NPC1: variants seen among roughly 807,000 people sequenced by gnomAD.
NPC1 encodes NPC intracellular cholesterol transporter 1, also known as Niemann-Pick C1 protein.
In NPC1, 85 loss-of-function variants were observed where a neutral mutation model predicts 140.4. The observed-to-expected ratio is 0.61, with a 90% CI of 0.51 to 0.72. The LOEUF (loss-of-function observed/expected upper bound fraction) is 0.72. Ranked by LOEUF, NPC1 falls within the 30% of genes least tolerant of loss-of-function variation. The probability of loss-of-function intolerance (pLI) is 0.00; values close to 1 mark genes in which losing one functional copy is unlikely to be tolerated. For missense variants in NPC1, 1,504 were observed against 1,623.8 expected, an observed-to-expected ratio of 0.93 and a Z score of 1.27; for synonymous variants, 656 against 624.8, an observed-to-expected ratio of 1.05 and a Z score of -0.74.
At chr18:23,515,827 A>G (rs2145185951) in intron 3 of NPC1, 3 of 1,613,342 alleles carry the variant, frequency 1.9e-6, no homozygotes, top group Non-Finnish European at 2.5e-6. Flanking sequence ...TTTTTAAATG[A>G]AGATCCTGTT....
intron 8 of NPC1, among the ~76,000 whole-genome samples, 181 bp from the exon 9 acceptor site, chr18:23,555,165 C>T (rs113673268): frequency 8.7e-4 from 132 of 152,350 alleles, no homozygotes; most frequent in African/African-American, 2.9e-3. Context: ...CACAGGCCCA[C>T]TCTAACAGCA....
intron 24 of NPC1, chr18:23,533,113 G>A: frequency 3.3e-6 from 2 of 611,562 alleles, no homozygotes; most frequent in Non-Finnish European, 5.2e-6. Context: ...AGGCCTTTGT[G>A]AAGCAGACAG....
intron 9 of NPC1, among the ~76,000 whole-genome samples, chr18:23,553,978 A>T (rs1029161874): frequency 6.6e-6 from 1 of 152,174 alleles, no homozygotes; most frequent in Non-Finnish European, 1.5e-5. Flanking sequence ...AAAAGGCACC[A>T]AAGGCTCTTC....
At chr18:23,572,920 C>T (rs1466350457) in intron 2 of NPC1, among the ~76,000 whole-genome samples, 1 of 152,148 alleles carries the variant, frequency 6.6e-6, no homozygotes, top group African/African-American at 2.4e-5. Flanking sequence ...TACTTTAAGC[C>T]TCTAAAACCA....
At chr18:23,538,127 G>A (rs1301175814) in intron 20 of NPC1, among the ~76,000 whole-genome samples, 1 of 152,164 alleles carries the variant, frequency 6.6e-6, no homozygotes, top group East Asian at 1.9e-4. Context: ...GAGGCTAAAA[G>A]AATCGCAACC....
At chr18:23,548,657 A>G (rs2058823960) in intron 10 of NPC1, among the ~76,000 whole-genome samples, 1 of 152,246 alleles carries the variant, frequency 6.6e-6, no homozygotes, top group Non-Finnish European at 1.5e-5. Context: ...ATTTTCTGGT[A>G]TACTTTAGCC....
At chr18:23,540,102 G>GCAC in intron 17 of NPC1, 101 bp from the exon 18 acceptor site, 2 of 1,012,724 alleles carry the variant, frequency 2.0e-6, no homozygotes, top group Non-Finnish European at 3.0e-6. Context: ...GAGGTTCCTG[G>GCAC]CTGAGATGCC....
At chr18:23,522,116 C>T (rs1202759914), downstream of NPC1, among the ~76,000 whole-genome samples, 1 of 152,232 alleles carries the variant, frequency 6.6e-6, no homozygotes, top group East Asian at 1.9e-4. Flanking sequence ...CCATTGTCAG[C>T]CTGACTGCCC....
chr18:23,527,223 C>CAAAAAAA (rs386387173), downstream of NPC1, among the ~76,000 whole-genome samples: 1 of 43,666 alleles, frequency 2.3e-5, no homozygotes, highest in Non-Finnish European at 5.2e-5. Context: ...CCTGTCTCTA[C>CAAAAAAA]AAAAAAAAAA....
At chr18:23,530,192 T>C (rs2058448023), downstream of NPC1, 4 of 1,613,716 alleles carry the variant, frequency 2.5e-6, no homozygotes, top group Non-Finnish European at 3.4e-6. Flanking sequence ...TTAACCGTTA[T>C]CTTTCCAACT....
chr18:23,529,316 G>A (rs746753423), downstream of NPC1: 65 of 1,601,714 alleles, frequency 4.1e-5, 1 homozygote, highest in South Asian at 3.4e-4. Flanking sequence ...GCAGCTTTCC[G>A]CCTCTTCTGG....
At chr18:23,542,959 C>G (rs1360878822) in intron 14 of NPC1, among the ~76,000 whole-genome samples, 2 of 152,210 alleles carry the variant, frequency 1.3e-5, no homozygotes, top group Non-Finnish European at 2.9e-5. Flanking sequence ...CTTGCAAAAT[C>G]ACACCTAAGT....
rs758362397 is a variant in NPC1, at chr18:23,541,153, A to G, written c.2429T>C (p.Val810Ala). ...CVRGAEDGTSVQASESCLFRF... is the reference protein window; with the variant it reads ...CVRGAEDGTSAQASESCLFRF... ...AAACAAACAGCTCTCTGAGGCCTGGACGCTTGTTCCATCTTCAGCACCTCT... is the reference window on the plus strand; with the variant it reads ...AAACAAACAGCTCTCTGAGGCCTGGGCGCTTGTTCCATCTTCAGCACCTCT... The change falls in exon 16 of 25, where the codon GTC becomes GCC. Residue 810 changes from valine to alanine, a missense_variant. By Grantham distance (64) the Val-to-Ala change is moderately conservative. Coordinates refer to ENST00000269228, the MANE Select transcript of NPC1 (RefSeq NM_000271.5). 1 of 1,614,168 alleles carries G rather than the reference A, an allele frequency of 6.2e-7. No individual in the cohort carries two copies. Among genetic ancestry groups the G allele is most frequent in the Admixed American group, 1.7e-5 (1 of 60,014 alleles).
intron 14 of NPC1, among the ~76,000 whole-genome samples, chr18:23,541,651 T>C (rs574369031): frequency 2.0e-5 from 3 of 152,316 alleles, no homozygotes; most frequent in African/African-American, 7.2e-5. Flanking sequence ...GGAAGCCCCA[T>C]CCTAGTTATG....
Position 23,554,842 on chromosome 18 carries a change from T to C in NPC1, c.1469A>G (p.Asn490Ser), listed in dbSNP as rs201351377. The C allele has an allele frequency of 1.2e-6, 2 of 1,614,044 alleles. No homozygotes were observed. Among genetic ancestry groups the C allele is most frequent in the African/African-American group, 1.3e-5 (1 of 74,910 alleles). ...CTTGTGGTCCAGCACGGAATGGCTG[T>C]TCTGGAAGTAATTTAACACACTCAA... ...TILSVLNYFQ[N>S]SHSVLDHKKG... Residue 490 changes from asparagine (N) to serine (S), a missense_variant, in exon 9 of 25, where the codon AAC becomes AGC. By Grantham distance (46) the Asn-to-Ser change is conservative (BLOSUM62 1). Coordinates refer to ENST00000269228, the MANE Select transcript of NPC1 (RefSeq NM_000271.5).
At chr18:23,537,692 C>T (rs1269004718) in intron 20 of NPC1, among the ~76,000 whole-genome samples, 1 of 152,196 alleles carries the variant, frequency 6.6e-6, no homozygotes, top group Non-Finnish European at 1.5e-5. Flanking sequence ...GGAGGCTCCC[C>T]AGGAACGGTG....
At chr18:23,513,663 T>C (rs1009104656) in intron 3 of NPC1, among the ~76,000 whole-genome samples, 42 of 152,246 alleles carry the variant, frequency 2.8e-4, no homozygotes, top group African/African-American at 9.6e-4. Context: ...TCCCTCCAAG[T>C]GTACAAGGGT....
rs201100763 is a variant in NPC1, at chr18:23,543,491, G to C, written c.2209C>G (p.Leu737Val). The change falls in exon 14 of 25, where the codon CTG becomes GTG. Residue 737 changes from leucine (L) to valine (V), a missense_variant. Transcript: ENST00000269228. Reference sequence around the variant, plus strand: ...GCTACAGTCTCAGAAAAGGATGACAGGAACATACTGGGAGCCACTTCTCCT... The same window carrying C: ...GCTACAGTCTCAGAAAAGGATGACACGAACATACTGGGAGCCACTTCTCCT... Reference protein sequence around the residue: ...VLGEVAPSMFLSSFSETVAFF... With the variant: ...VLGEVAPSMFVSSFSETVAFF... The C allele has an allele frequency of 5.0e-6, 8 of 1,611,958 alleles. No individual in the cohort carries two copies. Among genetic ancestry groups the C allele is most frequent in the Non-Finnish European group, 6.8e-6 (8 of 1,178,826 alleles).
intron 1 of NPC1, chr18:23,582,077 T>C (rs904845762): frequency 6.6e-6 from 1 of 152,230 alleles, no homozygotes; most frequent in African/African-American, 2.4e-5. Context: ...GTTCGATCTG[T>C]AACTGACTTT....
Sources: gnomAD v4.1 joint callset for allele counts (sites outside exome capture counted in the v4.1 genomes callset) on GRCh38, gnomAD v4.1.1 for gene constraint, MANE v1.5 for transcripts, NCBI Gene and HGNC (gene_info 2026-07-23, HGNC 2026-07-21) for gene names.